FAN1: variants seen among roughly 807,000 people sequenced by gnomAD.
FAN1 encodes FANCD2 and FANCI associated nuclease 1, also known as fanconi-associated nuclease 1.
FAN1 carries 91 observed loss-of-function variants against 104.9 expected under a neutral mutation model. The observed-to-expected ratio is 0.87, with a 90% CI of 0.73 to 1.03. FAN1 has a LOEUF of 1.03. Ranked by LOEUF, FAN1 falls within the 50% of genes least tolerant of loss-of-function variation. FAN1 has a pLI of 0.00. For missense variants in FAN1, 1,263 were observed against 1,239.9 expected (o/e 1.02, Z -0.28); for synonymous variants, 478 against 457.6 (o/e 1.04, Z -0.57).
At chr15:30,911,377 G>A in intron 4 of FAN1, 1 of 985,000 alleles carries the variant, frequency 1.0e-6, no homozygotes, top group Non-Finnish European at 1.2e-6. Context: ...CACTACTGTG[G>A]AGTCGAGGAT....
At chr15:30,907,453 G>A (rs1311821136) in intron 2 of FAN1, among the ~76,000 whole-genome samples, 1 of 152,066 alleles carries the variant, frequency 6.6e-6, no homozygotes. Flanking sequence ...AGGAGGCAGA[G>A]CTTTCAGTGA....
chr15:30,933,547 G>A (rs1350145207), intron 13 of FAN1, among the ~76,000 whole-genome samples: 1 of 152,148 alleles, frequency 6.6e-6, no homozygotes, highest in Non-Finnish European at 1.5e-5. Flanking sequence ...CCAGAATATG[G>A]TATTCCCTGG....
rs2063018518 is a variant in FAN1 at position 30,940,765 on chromosome 15, A to C, written c.*4-801A>C. 3.0e-6 allele frequency: 3 copies of C among 988,566 alleles called. No homozygotes were observed. In the South Asian group the frequency reaches 1.4e-4, roughly 46 times the overall value. The allele number at this position is 988,566 out of a possible 1,614,324, so 61.2% of individuals were successfully genotyped here. ...TATGCAATGGGATTTTCCCACCCCA[A>C]TTTTAAAAAGTGAAATTATATTTTC... On this transcript the variant is annotated intron_variant, in intron 14 of 14. Transcript: ENST00000362065.
At chr15:30,911,921 G>A (rs1169885097) in intron 4 of FAN1, 4 of 154,680 alleles carry the variant, frequency 2.6e-5, no homozygotes, top group Non-Finnish European at 1.4e-5. Flanking sequence ...AATTAGCCTG[G>A]TGTGGTGGCA....
intron 13 of FAN1, among the ~76,000 whole-genome samples, chr15:30,935,299 C>A (rs2062820925): frequency 1.3e-5 from 2 of 151,524 alleles, no homozygotes; most frequent in African/African-American, 4.9e-5. Flanking sequence ...CAGAGTGAGA[C>A]CTTGTCTCAA....
chr15:30,935,137 T>C (rs1341426234), intron 13 of FAN1, among the ~76,000 whole-genome samples: 1 of 151,978 alleles, frequency 6.6e-6, no homozygotes, highest in Non-Finnish European at 1.5e-5. Context: ...TGAGACCTCA[T>C]CTCTACAAAA....
chr15:30,937,196 G>T lies in FAN1; in HGVS notation c.2994G>T (p.Gly998=). Residue 998 remains glycine (G), a synonymous_variant, in exon 14 of 15, where the codon GGG becomes GGT. Coordinates refer to ENST00000362065, the MANE Select transcript of FAN1 (RefSeq NM_014967.5). ...MIWLAELQKL[G]AEVEVCHVVA... ...GGCTGGCTGAACTGCAGAAGCTGGG[G>T]GCTGAAGTAGAAGTCTGCCATGTGG... The T allele has an allele frequency of 6.2e-7, 1 of 1,614,154 alleles. No individual in the cohort carries two copies. The highest frequency in any genetic ancestry group is 8.5e-7 in the Non-Finnish European group (1 of 1,180,010).
chr15:30,911,230 A>C, intron 4 of FAN1: 1 of 992,552 alleles, frequency 1.0e-6, no homozygotes, highest in Non-Finnish European at 1.2e-6. Context: ...CAATTTACCA[A>C]AAACTGTGAG....
rs1433865884 is a variant in FAN1 at position 30,911,154 on chromosome 15, T to A, written c.1577+339T>A. The A allele has an allele frequency of 3.8e-6, 4 of 1,050,640 alleles. No individual in the cohort carries two copies. The African/African-American group carries it at 6.7e-5, about 17-fold the overall frequency. The allele number at this position is 1,050,640 out of a possible 1,614,324, so 65.1% of individuals were successfully genotyped here. On this transcript the variant is annotated intron_variant, in intron 4 of 14. Transcript: ENST00000362065. ...ATTTAGTCAAATTTTTATTTTAGTT[T>A]TTGTTTACTAAACAAAGTATAATCA...
chr15:30,920,709 T>C lies in FAN1; in HGVS notation c.2052+56T>C. ...TACTGATGTGATGGCGTTAAACATG[T>C]GAAGGGACAGCTGTCGGGCTCTCAG... On this transcript the variant is annotated intron_variant, in intron 7 of 14. Transcript: ENST00000362065. The C allele has an allele frequency of 4.0e-6, 4 of 1,005,314 alleles. 1 individual carries two copies. In the Admixed American group the frequency reaches 8.6e-5, roughly 22 times the overall value. The allele number at this position is 1,005,314 out of a possible 1,614,324, so 62.3% of individuals were successfully genotyped here.
chr15:30,930,734 C>T, intron 13 of FAN1, 63 bp downstream of exon 13: 1 of 1,578,404 alleles, frequency 6.3e-7, no homozygotes, highest in African/African-American at 1.4e-5. Flanking sequence ...TCAGAGGCCA[C>T]AAGTAGGCAT....
intron 5 of FAN1, among the ~76,000 whole-genome samples, chr15:30,917,078 A>G (rs1222733668): frequency 1.3e-5 from 2 of 152,156 alleles, no homozygotes; most frequent in African/African-American, 4.8e-5. Context: ...GGTTGTTGGT[A>G]GCGGCAGTGG....
At chr15:30,938,218 T>G (rs1402366857) in intron 14 of FAN1, among the ~76,000 whole-genome samples, 1 of 152,112 alleles carries the variant, frequency 6.6e-6, no homozygotes, top group Admixed American at 6.5e-5. Context: ...GCATAACCAG[T>G]GTTTCCTTCA....
At chr15:30,925,341 T>G (rs761455817) in intron 9 of FAN1, 50 bp downstream of exon 9, 8 of 1,545,626 alleles carry the variant, frequency 5.2e-6, no homozygotes, top group African/African-American at 1.4e-5. Context: ...TGTACCTGGT[T>G]TTTTTGGACC....
Position 30,932,079 on chromosome 15 carries a change from G to A in FAN1, c.2916+1408G>A, listed in dbSNP as rs947202877. On this transcript the variant is annotated intron_variant, in intron 13 of 14. Coordinates refer to ENST00000362065, the MANE Select transcript of FAN1 (RefSeq NM_014967.5). The stretch of plus-strand genomic sequence containing the variant: ...CTACTAAAAATACAAAAAATTAGCC[G>A]GGTGTGGTGGCGGGCGCCTGTAGTC... Among the ~76,000 whole-genome samples, 9 of 151,788 alleles carry A rather than the reference G, an allele frequency of 5.9e-5. No homozygotes were observed. In the South Asian group the frequency reaches 8.3e-4, roughly 14 times the overall value.
intron 14 of FAN1, among the ~76,000 whole-genome samples, chr15:30,937,624 G>T (rs936163426): frequency 1.3e-5 from 2 of 151,446 alleles, no homozygotes; most frequent in Non-Finnish European, 2.9e-5. Flanking sequence ...GCTAAATTTT[G>T]TATTTTTAGT....
chr15:30,939,718 A>AT, intron 14 of FAN1: 5 of 977,028 alleles, frequency 5.1e-6, no homozygotes, highest in Non-Finnish European at 6.1e-6. Context: ...ACATTTAGTA[A>AT]TAATAAAAAA....
In FAN1 at chr15:30,910,717, A is replaced by G. The variant is rs764562927; in HGVS notation, c.1479A>G (p.Lys493=). 4 of 1,614,140 alleles carry G rather than the reference A, an allele frequency of 2.5e-6. No homozygotes were observed. Among genetic ancestry groups the G allele is most frequent in the Non-Finnish European group, 3.4e-6 (4 of 1,180,016 alleles). The change falls in exon 4 of 15, where the codon AAA becomes AAG. Residue 493 remains lysine (K), a synonymous_variant. Transcript: ENST00000362065. Reference sequence around the variant, plus strand: ...ACTTGGTGAATCCCAATGGACAGAAACAGCAGCTGGTGGACGCCTTTCTCA... The same window carrying G: ...ACTTGGTGAATCCCAATGGACAGAAGCAGCAGCTGGTGGACGCCTTTCTCA... ...TFHLVNPNGQ[K]QQLVDAFLKL...
chr15:30,927,592 A>G, intron 10 of FAN1: 1 of 985,502 alleles, frequency 1.0e-6, no homozygotes, highest in Non-Finnish European at 1.2e-6. Context: ...GGTACCACGC[A>G]GATGGGTTGG....
Sources: allele counts gnomAD v4.1 joint callset (sites outside exome capture counted in the v4.1 genomes callset), GRCh38; gene constraint gnomAD v4.1.1; transcripts MANE v1.5; gene names NCBI Gene and HGNC (gene_info 2026-07-23, HGNC 2026-07-21).